The following IL9R variants were observed in gnomAD, a reference collection of about 807,000 sequenced individuals.
IL9R encodes interleukin-9 receptor.
IL9R carries 54 observed loss-of-function variants against 56.3 expected under a neutral mutation model. The ratio of observed to expected loss-of-function variants is 0.96; its 90% CI spans 0.77 to 1.20. The LOEUF is 1.20. Ranked by LOEUF, IL9R falls within the 50% of genes most tolerant of loss-of-function variation. The pLI is 0.00. For synonymous variants in IL9R, 212 were observed against 250.2 expected (o/e 0.85, Z 1.44); for missense variants, 545 against 629.8 (o/e 0.87, Z 1.44).
chrX:155,999,229 C>G (rs1569466650), intron 1 of IL9R, among the ~76,000 whole-genome samples: 1 of 152,104 alleles, frequency 6.6e-6, no homozygotes, highest in Non-Finnish European at 1.5e-5. Context: ...CCCACCCACC[C>G]TTGCCTACTC....
chrX:156,008,889 GTTT>G (rs1199821106), intron 8 of IL9R, among the ~76,000 whole-genome samples: 2 of 150,578 alleles, frequency 1.3e-5, no homozygotes, highest in African/African-American at 4.9e-5. Context: ...GTGTGTGTGT[GTTT>G]ATGTGTCTGT....
intron 6 of IL9R, among the ~76,000 whole-genome samples, 164 bp downstream of exon 6, chrX:156,005,643 G>A (rs933043528): frequency 6.6e-6 from 1 of 152,108 alleles, no homozygotes; most frequent in Non-Finnish European, 1.5e-5. Context: ...TCTGTAGGGA[G>A]GACAGAAACA....
intron 1 of IL9R, among the ~76,000 whole-genome samples, chrX:155,999,805 C>T (rs1217744863): frequency 6.6e-6 from 1 of 152,074 alleles, no homozygotes; most frequent in African/African-American, 2.4e-5. Context: ...TCCAGAAGAA[C>T]CAGACCCTTC....
At position 156,006,072 on chromosome X, in the gene IL9R, C is replaced by G. The variant is rs1285712389; in HGVS notation, c.782-11C>G. 1.3e-5 allele frequency: 20 copies of G among 1,580,406 alleles called. No homozygotes were observed. The highest frequency in any genetic ancestry group is 1.7e-5 in the Non-Finnish European group (19 of 1,151,386). On this transcript the variant is annotated splice_polypyrimidine_tract_variant and intron_variant, in intron 6 of 8. Transcript: ENST00000244174. ...AGGCTGCTCACAGCCCTGGGCCCTTCCTGTCCACAGGCCCTCTGATCCCAC... is the reference window on the plus strand; with the variant it reads ...AGGCTGCTCACAGCCCTGGGCCCTTGCTGTCCACAGGCCCTCTGATCCCAC...
Position 156,005,278 on chromosome X carries a change from C to T in IL9R, c.580C>T (p.Gln194Ter), listed in dbSNP as rs1257491619. ...AFKKQEEAWE[Q>*]AQHRDHIVGV... ...CTGCTAACTGTCCCCACCCCCACAG[C>T]AGGCCCAGCACAGGGATCACATTGT... The change falls in exon 6 of 9, where the codon CAG (glutamine) becomes TAG (stop). Residue 194 changes from glutamine to a stop codon, truncating the protein, a stop_gained and splice_region_variant. Coordinates refer to ENST00000244174, the MANE Select transcript of IL9R (RefSeq NM_002186.3). LOFTEE classifies it high-confidence loss of function. 30 of 1,611,936 alleles carry T rather than the reference C, an allele frequency of 1.9e-5. No homozygotes were observed. Among genetic ancestry groups the T allele is most frequent in the Non-Finnish European group, 2.5e-5 (30 of 1,179,750 alleles).
chrX:156,007,879 C>A, intron 8 of IL9R: 3 of 378,626 alleles, frequency 7.9e-6, no homozygotes, highest in Non-Finnish European at 1.3e-5. Flanking sequence ...TAACTTATCT[C>A]TGTCCCCTCT....
At chrX:156,005,933 T>G (rs1603166243) in intron 6 of IL9R, 150 bp from the exon 7 acceptor site, 2 of 617,860 alleles carry the variant, frequency 3.2e-6, no homozygotes, top group East Asian at 5.5e-5. Context: ...CATCACAAGG[T>G]CCTTCAGCAG....
chrX:156,008,036 G>A (rs965182494), intron 8 of IL9R: 1 of 262,500 alleles, frequency 3.8e-6, no homozygotes, highest in African/African-American at 2.5e-5. Flanking sequence ...CTGGTCCCCT[G>A]GTCTCCCCGG....
At chrX:156,007,032 G>A (rs966845862) in intron 7 of IL9R, among the ~76,000 whole-genome samples, 6 of 151,958 alleles carry the variant, frequency 3.9e-5, no homozygotes, top group African/African-American at 1.5e-4. Context: ...TGACCCCTGA[G>A]GTGGGGAAAT....
chrX:156,005,511 C>G (rs751690325), intron 6 of IL9R, 32 bp downstream of exon 6: 1 of 1,585,706 alleles, frequency 6.3e-7, no homozygotes, highest in East Asian at 2.2e-5. Flanking sequence ...GCACTTCCAG[C>G]GGAGTCTGGG....
chrX:156,002,317 T>TCTAG (rs1464286635), intron 1 of IL9R, among the ~76,000 whole-genome samples: 1 of 152,098 alleles, frequency 6.6e-6, no homozygotes, highest in African/African-American at 2.4e-5. Flanking sequence ...ACCACTGCAC[T>TCTAG]CTAGCCTGGG....
rs1389550299 is a variant in IL9R, at chrX:156,002,898, C to T, written c.29-8C>T. 6.8e-6 allele frequency: 11 copies of T among 1,613,766 alleles called. No homozygotes were observed. The highest frequency in any genetic ancestry group is 1.7e-5 in the Admixed American group (1 of 60,012). ...TTTGCACAGGGCCCTCAGCCCAGTC[C>T]CTTGCAGGCTGGACCTTGGAGAGTG... On this transcript the variant is annotated splice_region_variant and splice_polypyrimidine_tract_variant and intron_variant, in intron 1 of 8. Coordinates refer to ENST00000244174, the MANE Select transcript of IL9R (RefSeq NM_002186.3).
intron 7 of IL9R, 132 bp from the exon 8 acceptor site, chrX:156,007,391 T>G: frequency 1.4e-6 from 1 of 695,810 alleles, no homozygotes; most frequent in South Asian, 1.6e-5. Flanking sequence ...TGGAATGTGA[T>G]GAGATGGGAG....
chrX:155,997,748 C>T lies in IL9R; in HGVS notation c.-12C>T, dbSNP rs1026412390. Reference sequence around the variant, plus strand: ...CAAATCACCTCCAGGTTGGGGATGCCTCAGACTTGTGATGGGACTGGGCAG... The same window carrying T: ...CAAATCACCTCCAGGTTGGGGATGCTTCAGACTTGTGATGGGACTGGGCAG... On this transcript the variant is annotated 5_prime_UTR_variant, in exon 1 of 9. Coordinates refer to ENST00000244174, the MANE Select transcript of IL9R (RefSeq NM_002186.3). The T allele has an allele frequency of 1.2e-6, 2 of 1,613,672 alleles. No individual in the cohort carries two copies. Among genetic ancestry groups the T allele is most frequent in the Non-Finnish European group, 1.7e-6 (2 of 1,179,686 alleles).
Position 156,004,558 on chromosome X carries a change from C to G in IL9R, c.572C>G (p.Ala191Gly), listed in dbSNP as rs764570508. The G allele has an allele frequency of 6.2e-7, 1 of 1,612,466 alleles. No individual in the cohort carries two copies. Among genetic ancestry groups the G allele is most frequent in the South Asian group, 1.1e-5 (1 of 90,996 alleles). The change falls in exon 5 of 9, where the codon GCC becomes GGC. Residue 191 changes from alanine (A) to glycine (G), a missense_variant. By Grantham distance (60) the Ala-to-Gly change is moderately conservative. Around this residue, in one of 2 missense-constraint regions of IL9R, gnomAD observed 431 missense variants for 360.0 expected, o/e 1.20. Coordinates refer to ENST00000244174, the MANE Select transcript of IL9R (RefSeq NM_002186.3). ...CTGGCCTTCAAGAAGCAGGAAGAGG[C>G]CTGGGAGGTAACACTTTGGCTGGCT... is the stretch of plus-strand genomic sequence containing the variant. ...YELAFKKQEE[A>G]WEQAQHRDHI...
rs963401389 is a variant in IL9R, at chrX:156,007,384, A to G, written c.888-139A>G. On this transcript the variant is annotated intron_variant, in intron 7 of 8. Transcript: ENST00000244174. ...GGGTCCTGCCCTGAGAGTGGGTTGG[A>G]ATGTGATGAGATGGGAGAGAGGCAG... 5.5e-3 allele frequency: 3,672 copies of G among 671,782 alleles called. 118 individuals are homozygous for G. The African/African-American group carries it at 0.059, about 11-fold the overall frequency. 41.6% of individuals were successfully genotyped at this position (671,782 alleles called of 1,614,324 possible). A position where few individuals can be genotyped will look rare whatever the true frequency, so the allele number is the denominator to read the frequency against.
intron 4 of IL9R, 113 bp from the exon 5 acceptor site, chrX:156,004,305 TGA>T: frequency 9.4e-7 from 1 of 1,064,578 alleles, no homozygotes; most frequent in Non-Finnish European, 1.4e-6. Context: ...GTGCCTGGTC[TGA>T]GAGGGCCTTG....
chrX:156,000,580 T>C (rs1237051289), intron 1 of IL9R, among the ~76,000 whole-genome samples: 1 of 152,138 alleles, frequency 6.6e-6, no homozygotes, highest in Non-Finnish European at 1.5e-5. Context: ...CTGTCCCAGG[T>C]GGCAGACACT....
chrX:156,000,553 G>T (rs1395238996), intron 1 of IL9R, among the ~76,000 whole-genome samples: 2 of 152,206 alleles, frequency 1.3e-5, no homozygotes, highest in African/African-American at 4.8e-5. Flanking sequence ...GCGGGACTGG[G>T]GGTGTCAGGG....
Sources: gnomAD v4.1 joint callset for allele counts (sites outside exome capture counted in the v4.1 genomes callset) on GRCh38, gnomAD v4.1.1 for gene constraint, gnomAD v4.1.1 regional missense constraint, MANE v1.5 for transcripts, NCBI Gene and HGNC (gene_info 2026-07-23, HGNC 2026-07-21) for gene names.